CCDC146: variants seen among roughly 807,000 people sequenced by gnomAD.
The protein encoded by CCDC146 is coiled-coil domain-containing protein 146.
In CCDC146, 92 loss-of-function variants were observed where a neutral mutation model predicts 119.3. The observed-to-expected ratio is 0.77, with a 90% confidence interval of 0.65 to 0.92. The LOEUF is 0.92. Among genes scored for constraint, CCDC146 ranks in the 40% least tolerant of loss-of-function variants. The pLI is 0.00. For missense variants in CCDC146, 1,000 were observed against 1,103.0 expected (o/e 0.91, Z 1.32); for synonymous variants, 372 against 371.8 (o/e 1.00, Z -0.01).
intron 2 of CCDC146, among the ~76,000 whole-genome samples, chr7:77,171,280 G>A (rs2117493923): frequency 6.6e-6 from 1 of 152,188 alleles, no homozygotes; most frequent in East Asian, 1.9e-4. Flanking sequence ...TTGAGATATA[G>A]CCCACTTGTT....
At chr7:77,130,949 T>A (rs1049755924) in intron 1 of CCDC146, among the ~76,000 whole-genome samples, 3 of 150,574 alleles carry the variant, frequency 2.0e-5, no homozygotes, top group East Asian at 2.0e-4. Context: ...TGGAGTGCAA[T>A]GGCGCAATCT....
intron 1 of CCDC146, among the ~76,000 whole-genome samples, chr7:77,161,706 G>C (rs1472373039): frequency 8.6e-5 from 13 of 151,334 alleles, no homozygotes; most frequent in Admixed American, 8.6e-4. Flanking sequence ...GTTAATGGGT[G>C]CAGCACACCA....
intron 3 of CCDC146, among the ~76,000 whole-genome samples, chr7:77,237,713 ATCACCAACAGG>A (rs1792764576): frequency 6.6e-6 from 1 of 152,182 alleles, no homozygotes; most frequent in African/African-American, 2.4e-5. Context: ...GCAAGTCCCA[ATCACCAACAGG>A]TCAGAAGAAC....
At chr7:77,131,457 C>T (rs1469021295) in intron 1 of CCDC146, among the ~76,000 whole-genome samples, 1 of 152,056 alleles carries the variant, frequency 6.6e-6, no homozygotes, top group Non-Finnish European at 1.5e-5. Context: ...GTGGCTCACA[C>T]CTGTAATCTC....
At chr7:77,246,647 A>C (rs895052694) in intron 4 of CCDC146, among the ~76,000 whole-genome samples, 1 of 152,246 alleles carries the variant, frequency 6.6e-6, no homozygotes, top group African/African-American at 2.4e-5. Flanking sequence ...AAAGATATTG[A>C]TATTTATGAA....
chr7:77,210,897 A>G (rs1340236112), intron 2 of CCDC146, among the ~76,000 whole-genome samples: 2 of 152,104 alleles, frequency 1.3e-5, no homozygotes, highest in Admixed American at 6.6e-5. Context: ...AGAACTCACT[A>G]TCATGAGAAC....
chr7:77,250,618 C>G lies in CCDC146; in HGVS notation c.450-3888C>G, dbSNP rs1793038552. Among the ~76,000 whole-genome samples, 6 of 152,108 alleles carry G rather than the reference C, an allele frequency of 3.9e-5. No homozygotes were observed. The South Asian group carries it at 1.2e-3, about 31-fold the overall frequency. ...AGGAATTTTCATTATCTTTGACTTT[C>G]TGTAATTTACATATGATATGTCTAA... On this transcript the variant is annotated intron_variant, in intron 4 of 18. Transcript: ENST00000285871.
Position 77,183,496 on chromosome 7 carries a change from T to A in CCDC146, c.156+15672T>A, listed in dbSNP as rs1248111267. Among the ~76,000 whole-genome samples the A allele has an allele frequency of 3.3e-5, 5 of 152,276 alleles. No individual in the cohort carries two copies. In the East Asian group the frequency reaches 9.7e-4, roughly 29 times the overall value. On this transcript the variant is annotated intron_variant, in intron 2 of 18. Transcript: ENST00000285871. ...GATCCATCATTTCTTTCTCCCATGCTCCAGCCAAATTAGACATATTATTGT... is the reference window on the plus strand; with the variant it reads ...GATCCATCATTTCTTTCTCCCATGCACCAGCCAAATTAGACATATTATTGT...
chr7:77,291,666 C>T (rs1235806461), intron 17 of CCDC146, among the ~76,000 whole-genome samples: 2 of 152,184 alleles, frequency 1.3e-5, no homozygotes, highest in Non-Finnish European at 2.9e-5. Context: ...TGAGATCACA[C>T]CACTGTGCTC....
At chr7:77,254,374 A>G in intron 4 of CCDC146, 132 bp from the exon 5 acceptor site, 1 of 577,000 alleles carries the variant, frequency 1.7e-6, no homozygotes, top group South Asian at 2.1e-5. Flanking sequence ...AAGGTGTCAT[A>G]AAGAATGGAC....
intron 1 of CCDC146, among the ~76,000 whole-genome samples, chr7:77,150,095 A>T (rs3095454): frequency 0.093 from 14,075 of 152,114 alleles, 979 homozygotes; most frequent in Non-Finnish European, 0.13. Flanking sequence ...TAAAATTTCT[A>T]AAAGGAAATA....
At chr7:77,186,232 GATACA>G (rs1444468712) in intron 2 of CCDC146, among the ~76,000 whole-genome samples, 5 of 152,032 alleles carry the variant, frequency 3.3e-5, no homozygotes, top group Non-Finnish European at 7.4e-5. Flanking sequence ...CCCAGGTTTG[GATACA>G]ATCTAAGTGT....
chr7:77,160,646 T>C (rs1246699924), intron 1 of CCDC146, among the ~76,000 whole-genome samples: 3 of 152,228 alleles, frequency 2.0e-5, no homozygotes, highest in African/African-American at 4.8e-5. Context: ...CTGAAGTTGC[T>C]TATCAGTTTA....
At chr7:77,142,666 T>C (rs1259052538) in intron 1 of CCDC146, among the ~76,000 whole-genome samples, 1 of 151,910 alleles carries the variant, frequency 6.6e-6, no homozygotes, top group Non-Finnish European at 1.5e-5. Flanking sequence ...CATGCAGTGT[T>C]TGGTTTTTTG....
Position 77,273,758 on chromosome 7 carries a change from T to A in CCDC146, c.1238T>A (p.Val413Asp), listed in dbSNP as rs766232466. ...AGAAGGCGAGAGCTTCACAAGGAAG[T>A]TGAAGTAGCTAAGAGGAATTTGGCC... is the stretch of plus-strand genomic sequence containing the variant. ...SERRRELHKEVEVAKRNLAQQ... is the reference protein window; with the variant it reads ...SERRRELHKEDEVAKRNLAQQ... Residue 413 changes from valine to aspartate, a missense_variant, in exon 10 of 19, where the codon GTT becomes GAT. By Grantham distance (152) the Val-to-Asp change is radical (BLOSUM62 -3). Coordinates refer to ENST00000285871, the MANE Select transcript of CCDC146 (RefSeq NM_020879.3). 1.9e-6 allele frequency: 3 copies of A among 1,611,188 alleles called. No individual in the cohort carries two copies. The highest frequency in any genetic ancestry group is 2.5e-6 in the Non-Finnish European group (3 of 1,178,120).
At chr7:77,124,211 T>G (rs976881759) in intron 1 of CCDC146, among the ~76,000 whole-genome samples, 8 of 152,208 alleles carry the variant, frequency 5.3e-5, no homozygotes, top group African/African-American at 1.9e-4. Flanking sequence ...TATTTTACTT[T>G]TTCAAACAAA....
intron 1 of CCDC146, among the ~76,000 whole-genome samples, chr7:77,159,509 C>G (rs1408218252): frequency 1.3e-5 from 2 of 152,060 alleles, no homozygotes; most frequent in African/African-American, 2.4e-5. Flanking sequence ...ATACATATAT[C>G]GCAATTTCTT....
intron 4 of CCDC146, 63 bp from the exon 5 acceptor site, chr7:77,254,443 T>C: frequency 2.2e-6 from 2 of 909,702 alleles, no homozygotes; most frequent in South Asian, 3.0e-5. Flanking sequence ...AGATAGAAAG[T>C]TGTTATTACA....
At chr7:77,240,303 C>G (rs929314797) in intron 3 of CCDC146, among the ~76,000 whole-genome samples, 3 of 152,222 alleles carry the variant, frequency 2.0e-5, no homozygotes, top group Non-Finnish European at 4.4e-5. Flanking sequence ...TACTTGTCAT[C>G]TGGTATTCCT....
Sources: allele counts gnomAD v4.1 joint callset (sites outside exome capture counted in the v4.1 genomes callset), GRCh38; gene constraint gnomAD v4.1.1; transcripts MANE v1.5; gene names NCBI Gene and HGNC (gene_info 2026-07-23, HGNC 2026-07-21).